Variants in HTATSF1 observed in about 807,000 individuals in gnomAD.
The protein encoded by HTATSF1 is HIV-1 Tat specific factor 1.
A neutral mutation model predicts 46.1 loss-of-function variants in HTATSF1; 6 were observed. The observed-to-expected ratio is 0.13, with a 90% CI of 0.07 to 0.26. The LOEUF is 0.26. Ranked by LOEUF, HTATSF1 falls within the 10% of genes least tolerant of loss-of-function variation. HTATSF1 has a pLI of 1.00. For missense variants in HTATSF1, 452 were observed against 559.9 expected, an observed-to-expected ratio of 0.81 and a Z score of 1.94; for synonymous variants, 226 against 211.5, an observed-to-expected ratio of 1.07 and a Z score of -0.60.
At chrX:136,497,571 G>T, upstream of HTATSF1, 1 of 586,179 alleles carries the variant, frequency 1.7e-6, no homozygotes, top group Non-Finnish European at 2.5e-6. Flanking sequence ...GAGGCGGGCC[G>T]GGGGGCGGCG....
chrX:136,510,858 T>A lies in HTATSF1; in HGVS notation c.1113T>A (p.Ala371=), dbSNP rs1185073357. ...EREERLRGWE[A]FLNAPEANRG... is the part of the protein sequence containing the mutation. ...AGGAAAGGCTGAGAGGATGGGAGGC[T>A]TTCCTCAATGCTCCTGAGGCCAACA... The change falls in exon 9 of 9, where the codon GCT becomes GCA. Residue 371 remains alanine (A), a synonymous_variant. Transcript: ENST00000218364. The A allele has an allele frequency of 8.3e-7, 1 of 1,208,889 alleles. No individual in the cohort carries two copies. Among genetic ancestry groups the A allele is most frequent in the East Asian group, 3.0e-5 (1 of 33,833 alleles).
chrX:136,507,881 CCA>C (rs753673542), intron 6 of HTATSF1, among the ~76,000 whole-genome samples: 3 of 109,564 alleles, frequency 2.7e-5, no homozygotes, highest in Non-Finnish European at 1.9e-5. Flanking sequence ...GGAGCTAACC[CCA>C]CACACACACA....
In HTATSF1 at chrX:136,499,693, T is replaced by C. The variant is rs950463569; in HGVS notation, c.282T>C (p.Ala94=). The C allele has an allele frequency of 8.3e-7, 1 of 1,202,597 alleles. No individual in the cohort carries two copies. The highest frequency in any genetic ancestry group is 1.1e-6 in the Non-Finnish European group (1 of 892,230). ...SSTANVEDVH[A]RTAEEPPQEK... Reference sequence around the variant, plus strand: ...CCGCAAATGTTGAAGATGTCCATGCTAGGACTGCAGAGGAACCTCCACAAG... The same window carrying C: ...CCGCAAATGTTGAAGATGTCCATGCCAGGACTGCAGAGGAACCTCCACAAG... Residue 94 remains alanine (A), a synonymous_variant, in exon 2 of 9, where the codon GCT becomes GCC. Coordinates refer to ENST00000218364, the MANE Select transcript of HTATSF1 (RefSeq NM_014500.5).
chrX:136,500,895 A>T (rs1480675427), intron 4 of HTATSF1, 77 bp downstream of exon 4: 1 of 700,543 alleles, frequency 1.4e-6, no homozygotes, highest in African/African-American at 2.2e-5. Flanking sequence ...TCTATAGATG[A>T]TAACCAACAC....
chrX:136,503,038 A>G, intron 5 of HTATSF1, 97 bp downstream of exon 5: 1 of 514,282 alleles, frequency 1.9e-6, no homozygotes, highest in Admixed American at 4.4e-5. Flanking sequence ...GTGCCTACAC[A>G]TTATTTTAAA....
chrX:136,499,897 T>C lies in HTATSF1; in HGVS notation c.367+119T>C, dbSNP rs924206129. 17 of 551,833 alleles carry C rather than the reference T, an allele frequency of 3.1e-5. No homozygotes were observed. In the East Asian group the frequency reaches 6.1e-4, roughly 20 times the overall value. The allele number at this position is 551,833 out of a possible 1,213,427, so 45.5% of individuals were successfully genotyped here. ...GAAGGAATAAGGTGAGTTTTTTCTT[T>C]AAGGTAGTGTCAGTTATAAAGAATC... On this transcript the variant is annotated intron_variant, in intron 2 of 8. Coordinates refer to ENST00000218364, the MANE Select transcript of HTATSF1 (RefSeq NM_014500.5).
Position 136,511,896 on chromosome X carries a change from G to C in HTATSF1, c.2151G>C (p.Leu717Phe), listed in dbSNP as rs774707622. The change falls in exon 9 of 9, where the codon TTG (leucine) becomes TTC (phenylalanine). Residue 717 changes from leucine to phenylalanine, a missense_variant. Transcript: ENST00000218364. ...AGGAGGAAGATTCCAGTGAGAAGTT[G>C]TTTGACGATTCTGATGAGAGGGGGA... ...FDEEEDSSEK[L>F]FDDSDERGTL... 1.7e-6 allele frequency: 2 copies of C among 1,211,834 alleles called. No individual in the cohort carries two copies. Among genetic ancestry groups the C allele is most frequent in the Admixed American group, 4.3e-5 (2 of 46,026 alleles).
At position 136,512,132 on chromosome X, in the gene HTATSF1, A is replaced by G. The variant is rs2075772573; in HGVS notation, c.*119A>G. ...TGGTAGGATGCCATCAGATTAAAGCATTGAAGTGTTTCATTGTTACCTGTA... is the reference window on the plus strand; with the variant it reads ...TGGTAGGATGCCATCAGATTAAAGCGTTGAAGTGTTTCATTGTTACCTGTA... On this transcript the variant is annotated 3_prime_UTR_variant, in exon 9 of 9. Transcript: ENST00000218364. 2 of 764,558 alleles carry G rather than the reference A, an allele frequency of 2.6e-6. No individual in the cohort carries two copies. The highest frequency in any genetic ancestry group is 2.1e-5 in the African/African-American group (1 of 47,451). The allele number at this position is 764,558 out of a possible 1,213,427, so 63.0% of individuals were successfully genotyped here. A position where few individuals can be genotyped will look rare whatever the true frequency, so the allele number is the denominator to read the frequency against.
chrX:136,511,952 G>A lies in HTATSF1; in HGVS notation c.2207G>A (p.Gly736Glu), dbSNP rs751460226. The A allele has an allele frequency of 5.0e-6, 6 of 1,208,946 alleles. No individual in the cohort carries two copies. Among genetic ancestry groups the A allele is most frequent in the Non-Finnish European group, 6.7e-6 (6 of 894,666 alleles). The change falls in exon 9 of 9, where the codon GGG becomes GAG. Residue 736 changes from glycine to glutamate, a missense_variant. Around this residue, in one of 3 missense-constraint regions of HTATSF1, gnomAD observed 246 missense variants for 245.3 expected, o/e 1.00. Coordinates refer to ENST00000218364, the MANE Select transcript of HTATSF1 (RefSeq NM_014500.5). ...GGTGGTTTTGGGAGTGTTGAAGAAG[G>A]GCCCCTATCCACTGGCAGCAGCTTT... ...TLGGFGSVEE[G>E]PLSTGSSFIL...
intron 7 of HTATSF1, among the ~76,000 whole-genome samples, chrX:136,509,495 T>C (rs571101772): frequency 1.8e-5 from 2 of 112,098 alleles, no homozygotes; most frequent in Admixed American, 1.9e-4. Context: ...TTGTGAATTA[T>C]TCTCATCCTC....
At chrX:136,500,266 G>T (rs754336503) in intron 3 of HTATSF1, 61 bp downstream of exon 3, 2 of 767,490 alleles carry the variant, frequency 2.6e-6, no homozygotes, top group African/African-American at 2.1e-5. Context: ...GATTTTTCAC[G>T]AAGTGATTTT....
Position 136,497,759 on chromosome X carries a change from C to T in HTATSF1, c.75C>T (p.Gly25=). The part of the protein sequence containing the change: ...QLRMQELYGD[G]KDGDTQTDAG... ...GAATGCAAGAATTGTACGGAGACGG[C>T]AAGGATGGTGACACCCAGACCGATG... The change falls in exon 1 of 9, where the codon GGC becomes GGT. Residue 25 remains glycine, a synonymous_variant. Coordinates refer to ENST00000218364, the MANE Select transcript of HTATSF1 (RefSeq NM_014500.5). 8.3e-7 allele frequency: 1 copy of T among 1,206,044 alleles called. No individual in the cohort carries two copies. Among genetic ancestry groups the T allele is most frequent in the Non-Finnish European group, 1.1e-6 (1 of 891,097 alleles).
At position 136,502,950 on chromosome X, in the gene HTATSF1, T is replaced by C; in HGVS notation, c.734+9T>C. On this transcript the variant is annotated intron_variant, in intron 5 of 8. Coordinates refer to ENST00000218364, the MANE Select transcript of HTATSF1 (RefSeq NM_014500.5). ...CTGTCTATGCAACAAAAGTTTGTAA[T>C]TTTTTTCCCTTTTGAAAGGTTCCAT... is the stretch of plus-strand genomic sequence containing the variant. 1.9e-6 allele frequency: 2 copies of C among 1,080,630 alleles called. No homozygotes were observed. The highest frequency in any genetic ancestry group is 5.3e-5 in the South Asian group (2 of 37,709). The allele number at this position is 1,080,630 out of a possible 1,213,427, so 89.1% of individuals were successfully genotyped here.
rs1197156663 is a variant in HTATSF1, at chrX:136,510,174, C to T, written c.1017C>T (p.Gly339=). 1.7e-6 allele frequency: 2 copies of T among 1,210,401 alleles called. No homozygotes were observed. The highest frequency in any genetic ancestry group is 1.8e-5 in the South Asian group (1 of 56,856). ...IQTLDGRWFG[G]RQITAQAWDG... ...CTCTCGATGGAAGATGGTTTGGTGG[C>T]CGTCAAATCACTGCCCAGGCATGGG... Residue 339 remains glycine (G), a synonymous_variant, in exon 8 of 9, where the codon GGC becomes GGT. Transcript: ENST00000218364.
chrX:136,504,382 T>G lies in HTATSF1; in HGVS notation c.753T>G (p.Pro251=). 1 of 1,209,691 alleles carries G rather than the reference T, an allele frequency of 8.3e-7. No individual in the cohort carries two copies. The highest frequency in any genetic ancestry group is 1.8e-5 in the South Asian group (1 of 56,660). Residue 251 remains proline (P), a synonymous_variant, in exon 6 of 9, where the codon CCT becomes CCG. Coordinates refer to ENST00000218364, the MANE Select transcript of HTATSF1 (RefSeq NM_014500.5). ...SMQQKQLDWR[P]ERRAGPSRMR... ...GCCTCAGGCAGTTGGATTGGAGACC[T>G]GAGAGGCGAGCCGGACCATCCCGGA...
Position 136,499,699 on chromosome X carries a change from T to C in HTATSF1, c.288T>C (p.Thr96=). The C allele has an allele frequency of 8.3e-7, 1 of 1,201,741 alleles. No homozygotes were observed. The highest frequency in any genetic ancestry group is 1.1e-6 in the Non-Finnish European group (1 of 892,315). Residue 96 remains threonine, a synonymous_variant, in exon 2 of 9, where the codon ACT becomes ACC. Transcript: ENST00000218364. ...TANVEDVHAR[T]AEEPPQEKAP... ...ATGTTGAAGATGTCCATGCTAGGACTGCAGAGGAACCTCCACAAGAAAAAG... is the reference window on the plus strand; with the variant it reads ...ATGTTGAAGATGTCCATGCTAGGACCGCAGAGGAACCTCCACAAGAAAAAG...
chrX:136,500,846 T>G (rs760928237), intron 4 of HTATSF1, 28 bp downstream of exon 4: 4 of 1,015,407 alleles, frequency 3.9e-6, no homozygotes, highest in Non-Finnish European at 5.2e-6. Context: ...ATAAGTTTCT[T>G]GTATCTTCGT....
intron 7 of HTATSF1, 65 bp downstream of exon 7, chrX:136,509,245 C>T (rs1273389627): frequency 1.0e-5 from 8 of 783,704 alleles, no homozygotes; most frequent in Non-Finnish European, 1.4e-5. Context: ...AAGTTCTTCT[C>T]AGATGTTAGT....
At chrX:136,500,351 A>G in intron 3 of HTATSF1, 146 bp downstream of exon 3, 1 of 493,365 alleles carries the variant, frequency 2.0e-6, no homozygotes, top group Non-Finnish European at 3.5e-6. Context: ...TTAGTAAGGA[A>G]TATGTGTGTT....
Sources: allele counts gnomAD v4.1 joint callset (sites outside exome capture counted in the v4.1 genomes callset), GRCh38; gene constraint gnomAD v4.1.1; regional missense constraint gnomAD v4.1.1; transcripts MANE v1.5; gene names NCBI Gene and HGNC (gene_info 2026-07-23, HGNC 2026-07-21).